SYNE1: variants seen among roughly 807,000 people sequenced by gnomAD.
SYNE1 encodes nesprin-1.
A neutral mutation model predicts 1,111.0 loss-of-function variants in SYNE1; 616 were observed. That is an observed-to-expected ratio of 0.55 (90% confidence interval 0.52 to 0.59). The LOEUF (loss-of-function observed/expected upper bound fraction) is 0.59, where lower values mean the gene tolerates loss of function less well. Ranked by LOEUF, SYNE1 falls within the 20% of genes least tolerant of loss-of-function variation. The probability of loss-of-function intolerance (pLI) is 0.00; values close to 1 mark genes in which losing one functional copy is unlikely to be tolerated. For missense variants in SYNE1, 10,006 were observed against 10,417.0 expected, an observed-to-expected ratio of 0.96 and a Z score of 1.72; for synonymous variants, 3,855 against 3,825.8, an observed-to-expected ratio of 1.01 and a Z score of -0.28.
At chr6:152,415,831 A>C (rs972088326) in intron 41 of SYNE1, among the ~76,000 whole-genome samples, 1 of 151,054 alleles carries the variant, frequency 6.6e-6, no homozygotes, top group Admixed American at 6.6e-5. Flanking sequence ...GGAAGAAGAA[A>C]TTGCTAAATA....
At chr6:152,491,455 A>G (rs1415610208) in intron 11 of SYNE1, among the ~76,000 whole-genome samples, 1 of 151,582 alleles carries the variant, frequency 6.6e-6, no homozygotes, top group Admixed American at 6.6e-5. Context: ...TCCACCCTCC[A>G]TTCCCCCTTC....
chr6:152,141,550 A>G (rs143613050), intron 138 of SYNE1, among the ~76,000 whole-genome samples: 1 of 151,986 alleles, frequency 6.6e-6, no homozygotes, highest in Non-Finnish European at 1.5e-5. Flanking sequence ...TGAACTCAGG[A>G]GTTTGAGACC....
intron 100 of SYNE1, among the ~76,000 whole-genome samples, chr6:152,263,101 ATAGTACAGGGCCTGGGAAGG>A (rs1206763601): frequency 6.6e-6 from 1 of 151,534 alleles, no homozygotes; most frequent in Non-Finnish European, 1.5e-5. Flanking sequence ...ACACGGAAAG[ATAGTACAGGGCCTGGGAAGG>A]TAGTACAGGA....
chr6:152,285,402 T>C (rs2153736491), intron 95 of SYNE1, among the ~76,000 whole-genome samples: 1 of 152,356 alleles, frequency 6.6e-6, no homozygotes, highest in Admixed American at 6.5e-5. Flanking sequence ...CCAGTCTATA[T>C]GAAGCAATTA....
intron 4 of SYNE1, among the ~76,000 whole-genome samples, chr6:152,537,084 A>T (rs547791673): frequency 4.6e-5 from 7 of 152,292 alleles, no homozygotes; most frequent in African/African-American, 1.7e-4. Context: ...TTTCATTAAC[A>T]GAGCTAACAG....
intron 115 of SYNE1, among the ~76,000 whole-genome samples, chr6:152,227,835 G>A (rs1238899346): frequency 1.3e-5 from 2 of 151,854 alleles, no homozygotes; most frequent in African/African-American, 2.4e-5. Flanking sequence ...AGGGAAACAG[G>A]GCTGAAATAT....
At chr6:152,190,687 T>C (rs2072006775) in intron 127 of SYNE1, among the ~76,000 whole-genome samples, 1 of 152,204 alleles carries the variant, frequency 6.6e-6, no homozygotes, top group Non-Finnish European at 1.5e-5. Context: ...TTGTAACCAT[T>C]AACCATCCTC....
At chr6:152,372,493 T>A (rs569243293) in intron 59 of SYNE1, among the ~76,000 whole-genome samples, 3 of 152,156 alleles carry the variant, frequency 2.0e-5, no homozygotes, top group African/African-American at 7.2e-5. Context: ...AAATAGATAG[T>A]CTCAGACGGA....
chr6:152,626,126 C>G (rs2099685218), intron 3 of SYNE1, among the ~76,000 whole-genome samples: 1 of 152,184 alleles, frequency 6.6e-6, no homozygotes, highest in Non-Finnish European at 1.5e-5. Flanking sequence ...ATCATCCATA[C>G]TCTTCACTTT....
At chr6:152,384,218 T>C (rs555838513) in intron 55 of SYNE1, among the ~76,000 whole-genome samples, 18 of 152,306 alleles carry the variant, frequency 1.2e-4, no homozygotes, top group Admixed American at 3.3e-4. Flanking sequence ...AGAAAGCCAA[T>C]AGAAGGAGGA....
chr6:152,294,248 C>T (rs1366933600), intron 93 of SYNE1, 121 bp from the exon 94 acceptor site: 11 of 936,542 alleles, frequency 1.2e-5, no homozygotes, highest in Non-Finnish European at 1.8e-5. Context: ...TGGGGCACTA[C>T]AAACTAGTAA....
intron 144 of SYNE1, among the ~76,000 whole-genome samples, chr6:152,131,805 C>G (rs976097831): frequency 6.6e-6 from 1 of 152,170 alleles, no homozygotes; most frequent in African/African-American, 2.4e-5. Flanking sequence ...GCAGCCATGG[C>G]TTGAAGAAAG....
intron 101 of SYNE1, among the ~76,000 whole-genome samples, chr6:152,258,994 C>T (rs1490825705): frequency 2.0e-5 from 3 of 152,256 alleles, no homozygotes; most frequent in Non-Finnish European, 4.4e-5. Flanking sequence ...ATCCGCCCGC[C>T]TCAGCCTCCC....
rs557350925 is a variant in SYNE1, at chr6:152,151,554, T to C, written c.24449A>G (p.Lys8150Arg). Residue 8150 changes from lysine (K) to arginine (R), a missense_variant and splice_region_variant, in exon 135 of 146, where the codon AAG becomes AGG. By Grantham distance (26) the Lys-to-Arg change is conservative. This residue lies in a region of SYNE1 where 34 missense variants were observed against 68.3 expected (regional missense o/e 0.50). Transcript: ENST00000367255. ...CDVQAKIKQL[K>R]AFQQEISLNH... is the part of the protein sequence containing the mutation. ...GTAACTTGAAAAATAATCTATTACC[T>C]TGAGTTGCTTTATTTTAGCTTGAAC... The C allele has an allele frequency of 3.2e-5, 52 of 1,614,016 alleles. No individual in the cohort carries two copies. In the Middle Eastern group the frequency reaches 4.9e-4, roughly 15 times the overall value.
intron 132 of SYNE1, 188 bp from the exon 133 acceptor site, chr6:152,155,230 G>T: frequency 1.6e-6 from 1 of 606,670 alleles, no homozygotes; most frequent in African/African-American, 1.9e-5. Flanking sequence ...AAATAAAACG[G>T]CTGTTTTATT....
intron 3 of SYNE1, among the ~76,000 whole-genome samples, chr6:152,621,593 T>TA (rs1395162352): frequency 2.6e-5 from 4 of 152,010 alleles, no homozygotes; most frequent in South Asian, 2.1e-4. Context: ...CTTTTTTTTT[T>TA]TTATTTAACT....
At chr6:152,478,814 T>C (rs575894462) in intron 14 of SYNE1, among the ~76,000 whole-genome samples, 135 of 151,788 alleles carry the variant, frequency 8.9e-4, no homozygotes, top group African/African-American at 3.1e-3. Context: ...CGCCTGGGGG[T>C]GTGTTTTTTT....
chr6:152,448,872 T>A (rs979441826), intron 28 of SYNE1, among the ~76,000 whole-genome samples: 38 of 140,936 alleles, frequency 2.7e-4, no homozygotes, highest in African/African-American at 8.5e-4. Context: ...AAACAAACAC[T>A]CAAAGGACAG....
chr6:152,433,085 A>G (rs1426005789), intron 34 of SYNE1, among the ~76,000 whole-genome samples: 1 of 151,592 alleles, frequency 6.6e-6, no homozygotes, highest in Non-Finnish European at 1.5e-5. Context: ...GGGTTTTCCC[A>G]TTCCAAAAAA....
Sources: gnomAD v4.1 joint callset for allele counts (sites outside exome capture counted in the v4.1 genomes callset) on GRCh38, gnomAD v4.1.1 for gene constraint, gnomAD v4.1.1 regional missense constraint, MANE v1.5 for transcripts, NCBI Gene and HGNC (gene_info 2026-07-23, HGNC 2026-07-21) for gene names.